COL6A3: variants seen among roughly 807,000 people sequenced by gnomAD.
The protein encoded by COL6A3 is collagen alpha-3(VI) chain.
A neutral mutation model predicts 274.1 loss-of-function variants in COL6A3; 137 were observed. The ratio of observed to expected loss-of-function variants is 0.50; its 90% CI spans 0.44 to 0.58. The LOEUF (loss-of-function observed/expected upper bound fraction) is 0.58, where lower values mean the gene tolerates loss of function less well. Ranked by LOEUF, COL6A3 falls within the 20% of genes least tolerant of loss-of-function variation. COL6A3 has a pLI of 0.00. For synonymous variants in COL6A3, 1,650 were observed against 1,650.6 expected (o/e 1.00, Z 0.01); for missense variants, 3,950 against 4,124.9 (o/e 0.96, Z 1.16).
At chr2:237,404,630 A>C (rs1042589234) in intron 1 of COL6A3, among the ~76,000 whole-genome samples, 1 of 152,214 alleles carries the variant, frequency 6.6e-6, no homozygotes, top group Admixed American at 6.5e-5. Flanking sequence ...GGGAGCATTG[A>C]CAAAGAGCAC....
Position 237,344,151 on chromosome 2 carries a change from C to T in COL6A3, c.7668+199G>A. ...AGGGACCTGGGGGCAGTGCTACAAG[C>T]ATGTAGGCGTCCCTGTAGTGCTGGA... On this transcript the variant is annotated intron_variant, in intron 36 of 43. Transcript: ENST00000295550. This position sits in a 1 kb window ranked among gnomAD's most constrained non-coding sequence, Gnocchi z 4.8. 1.2e-5 allele frequency: 9 copies of T among 756,882 alleles called. No homozygotes were observed. The South Asian group carries it at 1.2e-4, about 10-fold the overall frequency. 46.9% of individuals were successfully genotyped at this position (756,882 alleles called of 1,614,324 possible). A position where few individuals can be genotyped will look rare whatever the true frequency, so the allele number is the denominator to read the frequency against.
Position 237,340,679 on chromosome 2 carries a change from T to C in COL6A3, c.8237A>G (p.Glu2746Gly). ...LKIVVLMLTG[E>G]VPEQQLEEAQ... Reference sequence around the variant, plus strand: ...CTCCTCCAGCTGCTGCTCCGGCACCTCGCCCGTCAGCATCAGGACCACAAT... The same window carrying C: ...CTCCTCCAGCTGCTGCTCCGGCACCCCGCCCGTCAGCATCAGGACCACAAT... The change falls in exon 38 of 44, where the codon GAG becomes GGG. Residue 2746 changes from glutamate (E) to glycine (G), a missense_variant. By Grantham distance (98) the Glu-to-Gly change is moderately conservative. Transcript: ENST00000295550. 6.2e-7 allele frequency: 1 copy of C among 1,614,214 alleles called. No individual in the cohort carries two copies. The highest frequency in any genetic ancestry group is 1.1e-5 in the South Asian group (1 of 91,086).
rs1244135325 is a variant in COL6A3 at position 237,366,107 on chromosome 2, T to C, written c.5501-72A>G. On this transcript the variant is annotated intron_variant, in intron 11 of 43. Coordinates refer to ENST00000295550, the MANE Select transcript of COL6A3 (RefSeq NM_004369.4). ...AGACGAACTCTACTTATACCAGCAG[T>C]AGGGACAACCCAGGCAGAGGACCAG... The C allele has an allele frequency of 3.7e-6, 5 of 1,358,320 alleles. No individual in the cohort carries two copies. The African/African-American group carries it at 4.3e-5, about 12-fold the overall frequency. The allele number at this position is 1,358,320 out of a possible 1,614,324, so 84.1% of individuals were successfully genotyped here.
Position 237,378,864 on chromosome 2 carries a change from C to T in COL6A3, c.2269G>A (p.Asp757Asn), listed in dbSNP as rs544229002. ...LLLLTAGQSEDSYLQAANALT... is the reference protein window; with the variant it reads ...LLLLTAGQSENSYLQAANALT... ...GCGTTGGCAGCTTGCAAATAGGAGT[C>T]CTCAGACTGCCCAGCTGTGAGCAGA... is the stretch of plus-strand genomic sequence containing the variant. The change falls in exon 6 of 44, where the codon GAC becomes AAC. Residue 757 changes from aspartate to asparagine, a missense_variant. Physicochemically the swap from Asp to Asn is conservative, Grantham distance 23 (BLOSUM62 1). Around this residue, in one of 5 missense-constraint regions of COL6A3, gnomAD observed 1,934 missense variants for 1,984.3 expected, o/e 0.97. Transcript: ENST00000295550. 10 of 1,614,252 alleles carry T rather than the reference C, an allele frequency of 6.2e-6. No homozygotes were observed. The African/African-American group carries it at 9.3e-5, about 15-fold the overall frequency.
chr2:237,366,590 C>A (rs2077558116), intron 11 of COL6A3, 97 bp downstream of exon 11: 2 of 1,589,154 alleles, frequency 1.3e-6, no homozygotes, highest in Non-Finnish European at 1.7e-6. Flanking sequence ...CAACCAAATG[C>A]CTAAGGACTC....
At chr2:237,334,483 A>T in intron 41 of COL6A3, 143 bp downstream of exon 41, 1 of 891,788 alleles carries the variant, frequency 1.1e-6, no homozygotes, top group Non-Finnish European at 1.8e-6. Flanking sequence ...ACCCAGGCTG[A>T]GTTGTTTTGT....
chr2:237,384,247 G>A (rs573481841), intron 4 of COL6A3, among the ~76,000 whole-genome samples: 17 of 152,176 alleles, frequency 1.1e-4, no homozygotes, highest in South Asian at 2.1e-4. Context: ...TGTGAGCCAC[G>A]TCAGGGATGC....
chr2:237,348,749 A>G, intron 28 of COL6A3, 86 bp from the exon 29 acceptor site: 2 of 1,204,712 alleles, frequency 1.7e-6, no homozygotes, highest in African/African-American at 1.5e-5. Flanking sequence ...GCCCCTGAGA[A>G]GTGGATCCTT....
In COL6A3 at chr2:237,334,877, C is replaced by T. The variant is rs201888442; in HGVS notation, c.8978G>A (p.Arg2993His). The T allele has an allele frequency of 2.4e-4, 381 of 1,614,030 alleles. No individual in the cohort carries two copies. The highest frequency in any genetic ancestry group is 2.5e-4 in the Non-Finnish European group (293 of 1,179,996). Residue 2993 changes from arginine to histidine, a missense_variant, in exon 41 of 44, where the codon CGT becomes CAT. This residue lies in a region of COL6A3 where 1,284 missense variants were observed against 1,349.7 expected (regional missense o/e 0.95). Coordinates refer to ENST00000295550, the MANE Select transcript of COL6A3 (RefSeq NM_004369.4). ...ATTKPMVKMS[R>H]EVQVFEITEN... is the part of the protein sequence containing the mutation. The stretch of plus-strand genomic sequence containing the variant: ...TGTTATCTCAAACACCTGGACTTCA[C>T]GGGACATCTTAACTGAAAGATAGAT...
intron 1 of COL6A3, among the ~76,000 whole-genome samples, chr2:237,411,636 T>C (rs2078859657): frequency 6.6e-6 from 1 of 152,206 alleles, no homozygotes; most frequent in African/African-American, 2.4e-5. Flanking sequence ...CGGGGACGTA[T>C]TAAGTTCTAG....
rs138036318 is a variant in COL6A3 at position 237,381,000 on chromosome 2, G to A, written c.1812C>T (p.Ile604=). The A allele has an allele frequency of 2.2e-5, 36 of 1,614,096 alleles. No homozygotes were observed. The Middle Eastern group carries it at 8.2e-4, about 37-fold the overall frequency. ...ATGGGGCGGCTCGGAACTCAGCTGG[G>A]ATGAACACCAGGGAGGAGTCGAAAG... ...EIAFDSSLVF[I]PAEFRAAPLQ... The change falls in exon 5 of 44, where the codon ATC becomes ATT. Residue 604 remains isoleucine, a synonymous_variant. Coordinates refer to ENST00000295550, the MANE Select transcript of COL6A3 (RefSeq NM_004369.4).
chr2:237,340,753 G>A lies in COL6A3; in HGVS notation c.8163C>T (p.Tyr2721=), dbSNP rs1032020366. Residue 2721 remains tyrosine (Y), a synonymous_variant, in exon 38 of 44, where the codon TAC becomes TAT. Coordinates refer to ENST00000295550, the MANE Select transcript of COL6A3 (RefSeq NM_004369.4). ...GTRALGSAIE[Y]TIENVFESAP... is the part of the protein sequence containing the mutation. ...CACTTTCAAAGACATTCTCTATGGT[G>A]TATTCAATGGCACTGCCTAAGGCCC... The A allele has an allele frequency of 2.5e-6, 4 of 1,614,014 alleles. No individual in the cohort carries two copies. The African/African-American group carries it at 4.0e-5, about 16-fold the overall frequency.
intron 14 of COL6A3, among the ~76,000 whole-genome samples, chr2:237,362,355 G>A (rs890413575): frequency 6.6e-6 from 1 of 152,202 alleles, no homozygotes; most frequent in South Asian, 2.1e-4. Context: ...TGGCCTCGGA[G>A]CCAAAAGCTT....
chr2:237,383,893 C>T (rs962314079), intron 4 of COL6A3, among the ~76,000 whole-genome samples: 2 of 152,042 alleles, frequency 1.3e-5, no homozygotes, highest in Non-Finnish European at 2.9e-5. Flanking sequence ...TCTCCTTGCA[C>T]CCAACAAGGA....
chr2:237,365,690 C>T lies in COL6A3; in HGVS notation c.5838+8G>A. On this transcript the variant is annotated splice_region_variant and intron_variant, in intron 12 of 43. Transcript: ENST00000295550. ...CAGGGAGCACCTGAACCAACTGGCC[C>T]CACAGACCTTCACGCTGTCCGGCGA... 1 of 1,613,872 alleles carries T rather than the reference C, an allele frequency of 6.2e-7. No individual in the cohort carries two copies.
At chr2:237,390,378 T>C (rs77626619) in intron 3 of COL6A3, among the ~76,000 whole-genome samples, 5,595 of 152,312 alleles carry the variant, frequency 0.037, 157 homozygotes, top group Middle Eastern at 0.082. Flanking sequence ...ATTATCCTCT[T>C]ACACACACAA....
intron 33 of COL6A3, 33 bp downstream of exon 33, chr2:237,345,148 G>T: frequency 3.7e-6 from 6 of 1,614,028 alleles, no homozygotes; most frequent in Non-Finnish European, 5.1e-6. Flanking sequence ...GGCTCATGAG[G>T]TTAATGAGTC....
In COL6A3 at chr2:237,358,516, T is replaced by C. The variant is rs770963011; in HGVS notation, c.6471+5A>G. 6.2e-7 allele frequency: 1 copy of C among 1,613,362 alleles called. No homozygotes were observed. On this transcript the variant is annotated splice_donor_5th_base_variant and intron_variant, in intron 21 of 43. Coordinates refer to ENST00000295550, the MANE Select transcript of COL6A3 (RefSeq NM_004369.4). ...GTCTGAAATCGTCAATAAAGAAATC[T>C]TTACCGGGTCCCCTCGAATCCCAAC...
intron 3 of COL6A3, among the ~76,000 whole-genome samples, chr2:237,392,987 T>C (rs970777446): frequency 2.0e-5 from 3 of 152,164 alleles, no homozygotes; most frequent in African/African-American, 7.2e-5. Context: ...TCCAGGACTC[T>C]CCTTCCGAGA....
Sources: gnomAD v4.1 joint callset for allele counts (sites outside exome capture counted in the v4.1 genomes callset) on GRCh38, gnomAD v4.1.1 for gene constraint, gnomAD v4.1.1 regional missense constraint, Gnocchi (gnomAD v3.1) non-coding constraint, MANE v1.5 for transcripts, NCBI Gene and HGNC (gene_info 2026-07-23, HGNC 2026-07-21) for gene names.